The following FSTL5 variants were observed in gnomAD, a reference collection of about 807,000 sequenced individuals.
The protein encoded by FSTL5 is follistatin like 5.
A neutral mutation model predicts 89.1 loss-of-function variants in FSTL5; 62 were observed. The observed-to-expected ratio is 0.70, with a 90% CI of 0.57 to 0.86. FSTL5 has a LOEUF of 0.86. FSTL5 is among the 40% of genes least tolerant of loss of function. FSTL5 has a pLI of 0.00. For synonymous variants in FSTL5, 383 were observed against 346.2 expected, an observed-to-expected ratio of 1.11 and a Z score of -1.18; for missense variants, 1,057 against 1,001.6, an observed-to-expected ratio of 1.06 and a Z score of -0.75.
At chr4:161,602,467 T>C (rs985199947) in intron 7 of FSTL5, among the ~76,000 whole-genome samples, 1 of 151,994 alleles carries the variant, frequency 6.6e-6, no homozygotes. Context: ...AATATCAGTC[T>C]AAAATACGTA....
chr4:161,387,995 A>G (rs1184481139), intron 15 of FSTL5: 1 of 152,042 alleles, frequency 6.6e-6, no homozygotes, highest in East Asian at 1.9e-4. Context: ...AGATCAACAT[A>G]ACTCTCCCTG....
At chr4:161,511,205 A>T (rs72683747) in intron 10 of FSTL5, among the ~76,000 whole-genome samples, 39,808 of 152,024 alleles carry the variant, frequency 0.26, 6,522 homozygotes, top group Non-Finnish European at 0.38. Context: ...AAAATCTCAT[A>T]CACAGCAATT....
chr4:161,443,143 C>A lies in FSTL5; in HGVS notation c.1841+11861G>T, dbSNP rs117441136. 6.2e-4 allele frequency among the ~76,000 whole-genome samples: 94 copies of A among 151,972 alleles called. 2 individuals are homozygous for A. The East Asian group carries it at 0.016, about 27-fold the overall frequency. ...TAAACACAAAAAGCAAGTCTCTTTC[C>A]AAAAGTCCCAGTAAAAGTCTCACTG... On this transcript the variant is annotated intron_variant, in intron 15 of 15. Transcript: ENST00000306100.
intron 1 of FSTL5, among the ~76,000 whole-genome samples, chr4:162,144,005 G>C (rs1732871650): frequency 6.6e-6 from 1 of 152,108 alleles, no homozygotes; most frequent in Non-Finnish European, 1.5e-5. Flanking sequence ...GAACCTCGCA[G>C]GGTGATGGCC....
chr4:161,579,758 AAAAAG>A (rs1220380933), intron 8 of FSTL5, among the ~76,000 whole-genome samples: 8 of 36,002 alleles, frequency 2.2e-4, no homozygotes, highest in South Asian at 1.1e-3. Context: ...AGAAAAAGAA[AAAAAG>A]AAAAAAAAAT....
chr4:161,718,357 A>T (rs1232107665), intron 6 of FSTL5, among the ~76,000 whole-genome samples: 3 of 152,134 alleles, frequency 2.0e-5, no homozygotes, highest in Non-Finnish European at 2.9e-5. Context: ...TAGCATTTTT[A>T]TATTATTCAT....
chr4:161,940,568 A>T (rs1388798884), intron 3 of FSTL5, among the ~76,000 whole-genome samples: 2 of 151,786 alleles, frequency 1.3e-5, no homozygotes, highest in Non-Finnish European at 3.0e-5. Flanking sequence ...ATAACAGCTG[A>T]TTTTTAAGCA....
chr4:162,042,521 A>G (rs1042239292), intron 2 of FSTL5, among the ~76,000 whole-genome samples: 11 of 152,226 alleles, frequency 7.2e-5, no homozygotes, highest in Non-Finnish European at 1.3e-4. Context: ...TAGGGCAGAA[A>G]AGATAGCATG....
At chr4:161,480,065 A>T (rs1729442492) in intron 13 of FSTL5, among the ~76,000 whole-genome samples, 1 of 152,180 alleles carries the variant, frequency 6.6e-6, no homozygotes, top group Admixed American at 6.6e-5. Flanking sequence ...GACAGAAATC[A>T]AAATTAGAGG....
intron 10 of FSTL5, among the ~76,000 whole-genome samples, chr4:161,536,926 A>G (rs1276440648): frequency 6.6e-6 from 1 of 152,218 alleles, no homozygotes; most frequent in African/African-American, 2.4e-5. Context: ...GTGAATTACA[A>G]GTTAGTATTG....
At chr4:161,679,533 C>T (rs1449098342) in intron 6 of FSTL5, among the ~76,000 whole-genome samples, 1 of 151,758 alleles carries the variant, frequency 6.6e-6, no homozygotes, top group Non-Finnish European at 1.5e-5. Flanking sequence ...TATTCCTACA[C>T]TATGTTGGCT....
chr4:161,699,937 C>A (rs1360330448), intron 6 of FSTL5, among the ~76,000 whole-genome samples: 1 of 152,168 alleles, frequency 6.6e-6, no homozygotes, highest in Non-Finnish European at 1.5e-5. Flanking sequence ...TTAGTAGAAT[C>A]ATTACCGCTG....
chr4:162,153,786 T>C (rs1005517025), intron 1 of FSTL5, among the ~76,000 whole-genome samples: 21 of 119,360 alleles, frequency 1.8e-4, no homozygotes, highest in Non-Finnish European at 3.4e-4. Flanking sequence ...TGTATACATA[T>C]ATATGTATAT....
chr4:161,788,077 G>A (rs192814109), intron 4 of FSTL5, among the ~76,000 whole-genome samples: 58 of 152,166 alleles, frequency 3.8e-4, no homozygotes, highest in African/African-American at 1.4e-3. Flanking sequence ...CCCTTTTCAT[G>A]TATGTTGTCA....
At chr4:161,699,943 C>T (rs1290956788) in intron 6 of FSTL5, among the ~76,000 whole-genome samples, 1 of 152,068 alleles carries the variant, frequency 6.6e-6, no homozygotes, top group Non-Finnish European at 1.5e-5. Context: ...GAATCATTAC[C>T]GCTGGATTTC....
intron 8 of FSTL5, among the ~76,000 whole-genome samples, chr4:161,554,443 A>C (rs1360616575): frequency 6.6e-6 from 1 of 151,210 alleles, no homozygotes; most frequent in African/African-American, 2.4e-5. Context: ...CTCATTCTTC[A>C]TACTTTCATA....
chr4:161,941,386 T>C (rs1051507538), intron 3 of FSTL5, among the ~76,000 whole-genome samples: 2 of 151,942 alleles, frequency 1.3e-5, no homozygotes, highest in African/African-American at 4.8e-5. Flanking sequence ...TTCAATTATA[T>C]GCTATCTACA....
chr4:161,961,528 T>A (rs201000803), intron 3 of FSTL5, among the ~76,000 whole-genome samples: 1 of 128,572 alleles, frequency 7.8e-6, no homozygotes, highest in African/African-American at 4.3e-5. Flanking sequence ...TAGAAAAATA[T>A]ATATATATAT....
chr4:162,130,792 AT>A (rs1286959057), intron 1 of FSTL5, among the ~76,000 whole-genome samples: 2 of 152,198 alleles, frequency 1.3e-5, no homozygotes, highest in Non-Finnish European at 2.9e-5. Flanking sequence ...TTGACAAAAG[AT>A]TTGGATCACT....
Sources: gnomAD v4.1 joint callset for allele counts (sites outside exome capture counted in the v4.1 genomes callset) on GRCh38, gnomAD v4.1.1 for gene constraint, MANE v1.5 for transcripts, NCBI Gene and HGNC (gene_info 2026-07-23, HGNC 2026-07-21) for gene names.